The following RWDD1 variants were observed in gnomAD, a reference collection of about 807,000 sequenced individuals.
RWDD1 encodes RWD domain containing 1, also known as RWD domain-containing protein 1.
RWDD1 carries 17 observed loss-of-function variants against 31.6 expected under a neutral mutation model. The ratio of observed to expected loss-of-function variants is 0.54; its 90% confidence interval spans 0.37 to 0.81. RWDD1 has a LOEUF of 0.81. RWDD1 is among the 30% of genes least tolerant of loss of function. The probability of loss-of-function intolerance (pLI) is 0.00; values close to 1 mark genes in which losing one functional copy is unlikely to be tolerated. For synonymous variants in RWDD1, 78 were observed against 94.2 expected, an observed-to-expected ratio of 0.83 and a Z score of 0.99; for missense variants, 204 against 274.5, an observed-to-expected ratio of 0.74 and a Z score of 1.82.
intron 2 of RWDD1, 22 bp downstream of exon 2, chr6:116,580,382 T>A (rs1456020432): frequency 1.3e-6 from 2 of 1,550,706 alleles, no homozygotes; most frequent in South Asian, 2.3e-5. Flanking sequence ...AAAAAATACT[T>A]GTGGTTTTTC....
At chr6:116,590,609 T>C (rs917912782) in intron 5 of RWDD1, among the ~76,000 whole-genome samples, 3 of 152,178 alleles carry the variant, frequency 2.0e-5, no homozygotes, top group Non-Finnish European at 4.4e-5. Flanking sequence ...ATAAGTATTA[T>C]AATTACTAGA....
intron 1 of RWDD1, among the ~76,000 whole-genome samples, chr6:116,574,488 C>T (rs781711902): frequency 1.3e-5 from 2 of 152,124 alleles, no homozygotes; most frequent in East Asian, 1.9e-4. Context: ...TGGGCTCTCT[C>T]GTATTTTGTG....
intron 1 of RWDD1, among the ~76,000 whole-genome samples, chr6:116,573,170 A>G (rs139941586): frequency 2.3e-3 from 356 of 152,278 alleles, no homozygotes; most frequent in Non-Finnish European, 4.5e-3. Context: ...TATTCTTTTC[A>G]TTTCTTTGGA....
rs1212696582 is a variant in RWDD1 at position 116,597,210 on chromosome 6, T to C, written c.*4109T>C. The stretch of plus-strand genomic sequence containing the variant: ...GACTAGTGGTGATGTTTTTAAGTAA[T>C]TGAAGTAAAAAAGAGAGAGAAAGAG... On this transcript the variant is annotated 3_prime_UTR_variant, in exon 7 of 7. Coordinates refer to ENST00000466444, the MANE Select transcript of RWDD1 (RefSeq NM_015952.4). 3 of 152,110 alleles carry C rather than the reference T, an allele frequency of 2.0e-5. No individual in the cohort carries two copies. The highest frequency in any genetic ancestry group is 4.4e-5 in the Non-Finnish European group (3 of 68,000). 9.4% of individuals were successfully genotyped at this position (152,110 alleles called of 1,614,324 possible).
intron 2 of RWDD1, 93 bp from the exon 3 acceptor site, chr6:116,584,634 A>G: frequency 8.9e-7 from 1 of 1,121,102 alleles, no homozygotes; most frequent in Non-Finnish European, 1.3e-6. Context: ...TCTTTGTAGG[A>G]AAATCTATTG....
intron 3 of RWDD1, among the ~76,000 whole-genome samples, chr6:116,586,435 C>T (rs1420423751): frequency 1.3e-5 from 2 of 151,780 alleles, no homozygotes; most frequent in Non-Finnish European, 2.9e-5. Flanking sequence ...CTCTTTTGCA[C>T]ATAATATATG....
Position 116,588,986 on chromosome 6 carries a change from G to A in RWDD1, c.414+1G>A, listed in dbSNP as rs760817790. ...AAAAGAAGCAGAAGAAGCTGAAAAG[G>A]TATATTTAAAAGCCTTGTTTTCTTT... On this transcript the variant is annotated splice_donor_variant, in intron 4 of 6. Transcript: ENST00000466444. LOFTEE classifies it high-confidence loss of function. 1.5e-6 allele frequency: 2 copies of A among 1,353,926 alleles called. No homozygotes were observed. Among genetic ancestry groups the A allele is most frequent in the South Asian group, 2.1e-5 (1 of 48,442 alleles). 83.9% of individuals were successfully genotyped at this position (1,353,926 alleles called of 1,614,324 possible).
chr6:116,588,088 G>A (rs542200637), intron 3 of RWDD1, among the ~76,000 whole-genome samples: 1 of 152,222 alleles, frequency 6.6e-6, no homozygotes, highest in East Asian at 1.9e-4. Context: ...ATTTAGGATG[G>A]TTAGCATAGA....
intron 3 of RWDD1, among the ~76,000 whole-genome samples, chr6:116,588,233 C>T (rs765318037): frequency 2.2e-4 from 33 of 152,292 alleles, no homozygotes; most frequent in African/African-American, 7.7e-4. Context: ...GCCTAGTAAT[C>T]TCTGCTTCTA....
chr6:116,571,508 C>A lies in RWDD1; in HGVS notation c.-75C>A, dbSNP rs545409841. The A allele has an allele frequency of 1.8e-5, 26 of 1,479,866 alleles. No individual in the cohort carries two copies. The Admixed American group carries it at 4.6e-4, about 26-fold the overall frequency. 91.7% of individuals were successfully genotyped at this position (1,479,866 alleles called of 1,614,324 possible). Reference sequence around the variant, plus strand: ...CCCGCCTGGCCGCCGCCCGCTCTCCCGGCGCGGCAGCTGTCTGGGCTGCTG... The same window carrying A: ...CCCGCCTGGCCGCCGCCCGCTCTCCAGGCGCGGCAGCTGTCTGGGCTGCTG... On this transcript the variant is annotated 5_prime_UTR_variant, in exon 1 of 7. Transcript: ENST00000466444.
rs981484805 is a variant in RWDD1, at chr6:116,594,530, A to G, written c.*1429A>G. On this transcript the variant is annotated 3_prime_UTR_variant, in exon 7 of 7. Transcript: ENST00000466444. ...TCTGGGTTAAGAACCACTGTCCTGT[A>G]GTCGTGAAGTCTATATATTTTGGTA... The G allele has an allele frequency of 3.3e-5, 5 of 152,210 alleles. No homozygotes were observed. The highest frequency in any genetic ancestry group is 1.2e-4 in the African/African-American group (5 of 41,452). 9.4% of individuals were successfully genotyped at this position (152,210 alleles called of 1,614,324 possible).
chr6:116,587,619 T>C (rs1244283900), intron 3 of RWDD1, among the ~76,000 whole-genome samples: 2 of 152,034 alleles, frequency 1.3e-5, no homozygotes, highest in African/African-American at 2.4e-5. Context: ...ATCAGTTTTG[T>C]GGTGCTTCAG....
intron 3 of RWDD1, among the ~76,000 whole-genome samples, chr6:116,587,058 G>A (rs539197444): frequency 2.6e-5 from 4 of 152,042 alleles, no homozygotes; most frequent in Admixed American, 2.6e-4. Flanking sequence ...CTTTTCTATC[G>A]GAATACTTAA....
At chr6:116,574,846 G>A (rs1371499299) in intron 1 of RWDD1, among the ~76,000 whole-genome samples, 2 of 139,008 alleles carry the variant, frequency 1.4e-5, no homozygotes, top group Non-Finnish European at 3.0e-5. Flanking sequence ...TCAGCTCACT[G>A]GAACCATGGA....
intron 3 of RWDD1, among the ~76,000 whole-genome samples, chr6:116,587,578 A>G (rs915189930): frequency 6.6e-6 from 1 of 152,136 alleles, no homozygotes; most frequent in African/African-American, 2.4e-5. Context: ...TTGCGAAGCT[A>G]TGAAGGGGTT....
chr6:116,587,312 G>A (rs1269538481), intron 3 of RWDD1, among the ~76,000 whole-genome samples: 1 of 152,156 alleles, frequency 6.6e-6, no homozygotes, highest in Non-Finnish European at 1.5e-5. Context: ...GCTTCCAGGA[G>A]TAGCTGAGAG....
In RWDD1 at chr6:116,571,616, C is replaced by G; in HGVS notation, c.34C>G (p.Leu12Val). Residue 12 changes from leucine to valine, a missense_variant, in exon 1 of 7, where the codon CTG becomes GTG. By Grantham distance (32) the Leu-to-Val change is conservative. Transcript: ENST00000466444. The part of the protein sequence containing the change: ...TDYGEEQRNE[L>V]EALESIYPDS... Reference sequence around the variant, plus strand: ...TTACGGCGAGGAGCAGCGCAACGAGCTGGAGGCCCTGGAGTCCATCTACCC... The same window carrying G: ...TTACGGCGAGGAGCAGCGCAACGAGGTGGAGGCCCTGGAGTCCATCTACCC... 1 of 1,613,736 alleles carries G rather than the reference C, an allele frequency of 6.2e-7. No homozygotes were observed. Among genetic ancestry groups the G allele is most frequent in the South Asian group, 1.1e-5 (1 of 91,068 alleles).
chr6:116,590,970 C>A lies in RWDD1; in HGVS notation c.610+20C>A. The A allele has an allele frequency of 6.4e-7, 1 of 1,559,362 alleles. No homozygotes were observed. The highest frequency in any genetic ancestry group is 8.6e-7 in the Non-Finnish European group (1 of 1,162,672). On this transcript the variant is annotated intron_variant, in intron 6 of 6. Coordinates refer to ENST00000466444, the MANE Select transcript of RWDD1 (RefSeq NM_015952.4). ...AGGATGGTAAGATAATAGTAGAATT[C>A]CACATGTGGGACAGGCACAGTAGCT...
At chr6:116,590,032 A>G (rs1230972403) in intron 4 of RWDD1, among the ~76,000 whole-genome samples, 1 of 152,200 alleles carries the variant, frequency 6.6e-6, no homozygotes, top group Non-Finnish European at 1.5e-5. Flanking sequence ...AGTGAATACA[A>G]TGCATATTAT....
Sources: allele counts gnomAD v4.1 joint callset (sites outside exome capture counted in the v4.1 genomes callset), GRCh38; gene constraint gnomAD v4.1.1; transcripts MANE v1.5; gene names NCBI Gene and HGNC (gene_info 2026-07-23, HGNC 2026-07-21).